Variants in SCAF11 observed in about 807,000 individuals in gnomAD.
The protein encoded by SCAF11 is SR-related CTD associated factor 11, also known as protein SCAF11.
Under a neutral mutation model 140.5 loss-of-function variants are expected in SCAF11, and 47 were observed. The observed-to-expected ratio is 0.33, with a 90% CI of 0.26 to 0.43. The LOEUF is 0.43. SCAF11 is among the 20% of genes least tolerant of loss of function. SCAF11 has a pLI of 1.00. For synonymous variants in SCAF11, 557 were observed against 579.4 expected, an observed-to-expected ratio of 0.96 and a Z score of 0.55; for missense variants, 1,645 against 1,705.1, an observed-to-expected ratio of 0.96 and a Z score of 0.62.
intron 5 of SCAF11, 52 bp downstream of exon 5, chr12:45,948,384 AG>A: frequency 8.9e-7 from 1 of 1,126,990 alleles, no homozygotes; most frequent in Non-Finnish European, 1.3e-6. Context: ...TTTTTGTACT[AG>A]TTAACTTCTG....
chr12:45,934,495 TAAAG>T lies in SCAF11; in HGVS notation c.470_473del (p.Ser157TyrfsTer13), dbSNP rs979700044. On this transcript the variant is annotated frameshift_variant, in exon 7 of 15. Coordinates refer to ENST00000369367, the MANE Select transcript of SCAF11 (RefSeq NM_004719.3). LOFTEE classifies it high-confidence loss of function. ...TTTTCTTTCCTCCTGTTTCACTGTATAAAGAGTTTCCTGTACAAAGACATAAAAG... is the reference window on the plus strand; with the variant it reads ...TTTTCTTTCCTCCTGTTTCACTGTATAGTTTCCTGTACAAAGACATAAAAG... 1 of 1,587,928 alleles carries T rather than the reference TAAAG, an allele frequency of 6.3e-7. No homozygotes were observed. The highest frequency in any genetic ancestry group is 1.4e-5 in the African/African-American group (1 of 73,414).
At position 45,921,866 on chromosome 12, in the gene SCAF11, G is replaced by C; in HGVS notation, c.*182C>G. The C allele has an allele frequency of 1.6e-6, 1 of 623,894 alleles. No homozygotes were observed. The highest frequency in any genetic ancestry group is 2.7e-6 in the Non-Finnish European group (1 of 376,480). The allele number at this position is 623,894 out of a possible 1,614,324, so 38.6% of individuals were successfully genotyped here. ...TGGGGGAGGGTGGAGGGGAAGGAAG[G>C]ATACAGAAGTTGCAGTGCAGACCTA... On this transcript the variant is annotated 3_prime_UTR_variant, in exon 15 of 15. Coordinates refer to ENST00000369367, the MANE Select transcript of SCAF11 (RefSeq NM_004719.3).
In SCAF11 at chr12:45,928,399, A is replaced by G; in HGVS notation, c.1302T>C (p.Thr434=). The change falls in exon 11 of 15, where the codon ACT becomes ACC. Residue 434 remains threonine, a synonymous_variant. Coordinates refer to ENST00000369367, the MANE Select transcript of SCAF11 (RefSeq NM_004719.3). ...QPDVDSSNIC[T]VQTHVENQSA... ...ACTGGTTTTCTACATGAGTCTGCAC[A>G]GTACAAATGTTACTACTGTCTACAT... 6.2e-7 allele frequency: 1 copy of G among 1,613,800 alleles called. No individual in the cohort carries two copies. Among genetic ancestry groups the G allele is most frequent in the Non-Finnish European group, 8.5e-7 (1 of 1,179,706 alleles).
At chr12:45,991,250 G>A (rs1163662317), upstream of SCAF11, among the ~76,000 whole-genome samples, 1 of 152,182 alleles carries the variant, frequency 6.6e-6, no homozygotes, top group Admixed American at 6.5e-5. Context: ...GCTTTCCCAT[G>A]TCTTAACCCC....
chr12:45,977,909 G>A (rs1230844964), intron 1 of SCAF11, among the ~76,000 whole-genome samples: 1 of 152,116 alleles, frequency 6.6e-6, no homozygotes, highest in Non-Finnish European at 1.5e-5. Context: ...AAATTCTAAG[G>A]CAGAGTTGCA....
upstream of SCAF11, among the ~76,000 whole-genome samples, chr12:45,991,202 G>C (rs973294054): frequency 2.0e-5 from 3 of 152,162 alleles, no homozygotes; most frequent in Non-Finnish European, 4.4e-5. Flanking sequence ...TTAGATGCCA[G>C]GGGGAGAGCT....
chr12:45,978,384 T>C (rs1946281813), intron 1 of SCAF11, among the ~76,000 whole-genome samples: 2 of 152,210 alleles, frequency 1.3e-5, no homozygotes, highest in Non-Finnish European at 2.9e-5. Context: ...CTTATATTTA[T>C]TTCCGCCAGG....
Position 45,921,850 on chromosome 12 carries a change from G to A in SCAF11, c.*198C>T, listed in dbSNP as rs1365577656. On this transcript the variant is annotated 3_prime_UTR_variant, in exon 15 of 15. Transcript: ENST00000369367. ...TTTCCCTTGAATTTTGTGGGGGAGGGTGGAGGGGAAGGAAGGATACAGAAG... is the reference window on the plus strand; with the variant it reads ...TTTCCCTTGAATTTTGTGGGGGAGGATGGAGGGGAAGGAAGGATACAGAAG... The A allele has an allele frequency of 3.6e-6, 2 of 558,846 alleles. No homozygotes were observed. Among genetic ancestry groups the A allele is most frequent in the African/African-American group, 3.8e-5 (2 of 52,598 alleles). The allele number at this position is 558,846 out of a possible 1,614,324, so 34.6% of individuals were successfully genotyped here. A position where few individuals can be genotyped will look rare whatever the true frequency, so the allele number is the denominator to read the frequency against.
upstream of SCAF11, chr12:45,992,032 C>A (rs11574952): frequency 1.4e-5 from 18 of 1,288,726 alleles, no homozygotes; most frequent in Non-Finnish European, 1.7e-5. Context: ...GCCGACCGAC[C>A]GCTTCACTGC....
intron 10 of SCAF11, 51 bp from the exon 11 acceptor site, chr12:45,928,910 A>G: frequency 8.4e-7 from 1 of 1,193,660 alleles, no homozygotes; most frequent in Non-Finnish European, 1.1e-6. Context: ...TTTAAGAAAT[A>G]GTAATTTGGC....
At chr12:45,928,943 T>C (rs1472608356) in intron 10 of SCAF11, 84 bp from the exon 11 acceptor site, 15 of 795,050 alleles carry the variant, frequency 1.9e-5, no homozygotes, top group African/African-American at 5.4e-5. Context: ...TAGCATAAAA[T>C]AGTCTGCAAC....
chr12:45,972,963 T>TATATATAG (rs1181451056), intron 1 of SCAF11, among the ~76,000 whole-genome samples: 11 of 129,424 alleles, frequency 8.5e-5, no homozygotes, highest in Admixed American at 1.6e-4. Context: ...TATATAGATA[T>TATATATAG]ATATATAGAT....
At chr12:45,953,470 G>C (rs1945598241) in intron 3 of SCAF11, among the ~76,000 whole-genome samples, 1 of 152,190 alleles carries the variant, frequency 6.6e-6, no homozygotes, top group Non-Finnish European at 1.5e-5. Context: ...CTTGAGCCTA[G>C]GAGTTCGAGG....
intron 6 of SCAF11, among the ~76,000 whole-genome samples, chr12:45,944,841 C>A (rs1208348639): frequency 1.3e-5 from 2 of 152,186 alleles, no homozygotes; most frequent in African/African-American, 4.8e-5. Flanking sequence ...ACTACAACTT[C>A]CTTCAGGAAC....
chr12:45,951,325 G>A (rs1250062269), intron 4 of SCAF11, among the ~76,000 whole-genome samples: 6 of 152,006 alleles, frequency 3.9e-5, no homozygotes, highest in South Asian at 4.1e-4. Flanking sequence ...AGAAGTCCTC[G>A]CATTCAAGAT....
In SCAF11 at chr12:45,990,470, C is replaced by T; in HGVS notation, c.-139G>A. 3.2e-6 allele frequency: 4 copies of T among 1,231,494 alleles called. No homozygotes were observed. The highest frequency in any genetic ancestry group is 4.0e-6 in the Non-Finnish European group (4 of 987,942). The allele number at this position is 1,231,494 out of a possible 1,614,324, so 76.3% of individuals were successfully genotyped here. A position where few individuals can be genotyped will look rare whatever the true frequency, so the allele number is the denominator to read the frequency against. ...CTCCTTCGTCCGCTTTGTGGTGTTACAGGGTCTCTAGGACACTGACTCCGC... is the reference window on the plus strand; with the variant it reads ...CTCCTTCGTCCGCTTTGTGGTGTTATAGGGTCTCTAGGACACTGACTCCGC... On this transcript the variant is annotated 5_prime_UTR_variant, in exon 1 of 15. Transcript: ENST00000369367.
In SCAF11 at chr12:45,924,744, T is replaced by C. The variant is rs775948871; in HGVS notation, c.3890A>G (p.Asp1297Gly). 1.2e-6 allele frequency: 2 copies of C among 1,605,622 alleles called. No homozygotes were observed. Among genetic ancestry groups the C allele is most frequent in the Non-Finnish European group, 1.7e-6 (2 of 1,173,372 alleles). Reference sequence around the variant, plus strand: ...AAAACATACCTGCAATTGCTTTCCATCTGGTTGTGAAGCAATGTAGTTGAC... The same window carrying C: ...AAAACATACCTGCAATTGCTTTCCACCTGGTTGTGAAGCAATGTAGTTGAC... Reference protein sequence around the residue: ...QQVNYIASQPDGKQLQGIPSS... With the variant: ...QQVNYIASQPGGKQLQGIPSS... Residue 1297 changes from aspartate (D) to glycine (G), a missense_variant, in exon 12 of 15, where the codon GAT becomes GGT. This residue lies in a region of SCAF11 where 1,582 missense variants were observed against 1,609.2 expected (regional missense o/e 0.98). Coordinates refer to ENST00000369367, the MANE Select transcript of SCAF11 (RefSeq NM_004719.3).
At chr12:45,958,106 T>C (rs1401806021) in intron 3 of SCAF11, among the ~76,000 whole-genome samples, 1 of 151,842 alleles carries the variant, frequency 6.6e-6, no homozygotes, top group Non-Finnish European at 1.5e-5. Flanking sequence ...GGTCTCACCA[T>C]GTTGCCCAGG....
At chr12:45,931,662 C>A in intron 9 of SCAF11, 50 bp from the exon 10 acceptor site, 1 of 963,358 alleles carries the variant, frequency 1.0e-6, no homozygotes, top group Non-Finnish European at 1.5e-6. Context: ...AAAAATTAAA[C>A]CACCAATTTA....
Sources: allele counts gnomAD v4.1 joint callset (sites outside exome capture counted in the v4.1 genomes callset), GRCh38; gene constraint gnomAD v4.1.1; regional missense constraint gnomAD v4.1.1; transcripts MANE v1.5; gene names NCBI Gene and HGNC (gene_info 2026-07-23, HGNC 2026-07-21).